Variants in INPP4B observed in about 807,000 individuals in gnomAD.
The protein encoded by INPP4B is inositol polyphosphate 4-phosphatase type II.
In INPP4B, 55 loss-of-function variants were observed where a neutral mutation model predicts 122.5. The observed-to-expected ratio is 0.45, with a 90% CI of 0.36 to 0.56. INPP4B has a LOEUF of 0.56. Among genes scored for constraint, INPP4B ranks in the 20% least tolerant of loss-of-function variants. The pLI is 0.00. For synonymous variants in INPP4B, 403 were observed against 388.7 expected, an observed-to-expected ratio of 1.04 and a Z score of -0.43; for missense variants, 1,000 against 1,097.7, an observed-to-expected ratio of 0.91 and a Z score of 1.26.
rs149691869 is a variant in INPP4B, at chr4:142,074,950, C to G, written c.2642+7081G>C. Among the ~76,000 whole-genome samples, 295 of 152,122 alleles carry G rather than the reference C, an allele frequency of 1.9e-3. 3 individuals carry two copies. The highest frequency in any genetic ancestry group is 6.5e-3 in the African/African-American group (269 of 41,496). Reference sequence around the variant, plus strand: ...GACACAGTTCAGATTCTACCTCCTCCAGGATACCTCCTGGCCACAGTGATT... The same window carrying G: ...GACACAGTTCAGATTCTACCTCCTCGAGGATACCTCCTGGCCACAGTGATT... On this transcript the variant is annotated intron_variant, in intron 25 of 25. Transcript: ENST00000262992.
At chr4:142,040,038 G>T (rs547320390) in intron 25 of INPP4B, among the ~76,000 whole-genome samples, 10 of 148,252 alleles carry the variant, frequency 6.7e-5, no homozygotes, top group South Asian at 2.1e-4. Context: ...TTGCGGGTTG[G>T]GGGGGTAATA....
chr4:142,654,063 C>T (rs908255257), intron 2 of INPP4B, among the ~76,000 whole-genome samples: 1 of 152,082 alleles, frequency 6.6e-6, no homozygotes, highest in Non-Finnish European at 1.5e-5. Flanking sequence ...AGTTCATGTC[C>T]TTTGTAGGGA....
intron 25 of INPP4B, among the ~76,000 whole-genome samples, chr4:142,058,618 A>G (rs1164496915): frequency 6.6e-6 from 1 of 152,162 alleles, no homozygotes; most frequent in Non-Finnish European, 1.5e-5. Flanking sequence ...TGAAATACTC[A>G]GAAATGGGAA....
chr4:142,260,367 A>G (rs1739286289), intron 11 of INPP4B, 125 bp downstream of exon 11: 3 of 686,566 alleles, frequency 4.4e-6, no homozygotes, highest in Admixed American at 2.8e-5. Context: ...CTGGCCCCTT[A>G]TGATTTCCCA....
At chr4:142,360,351 G>C (rs1255943284) in intron 7 of INPP4B, among the ~76,000 whole-genome samples, 5 of 151,876 alleles carry the variant, frequency 3.3e-5, no homozygotes, top group African/African-American at 1.2e-4. Context: ...ACTTTGTTTT[G>C]TTCCAGAGAA....
At chr4:142,773,482 T>C (rs1213069147) in intron 1 of INPP4B, among the ~76,000 whole-genome samples, 1 of 152,136 alleles carries the variant, frequency 6.6e-6, no homozygotes, top group East Asian at 1.9e-4. Context: ...CACACAAATG[T>C]ACACACACAC....
intron 17 of INPP4B, among the ~76,000 whole-genome samples, chr4:142,154,527 G>A (rs561763686): frequency 6.6e-6 from 1 of 152,196 alleles, no homozygotes; most frequent in African/African-American, 2.4e-5. Context: ...ACTAGGGAGA[G>A]GGGGATATTT....
intron 7 of INPP4B, among the ~76,000 whole-genome samples, chr4:142,391,173 G>C (rs1249588092): frequency 6.6e-6 from 1 of 152,148 alleles, no homozygotes; most frequent in Non-Finnish European, 1.5e-5. Context: ...CATGGTCTAA[G>C]CCAAATTACC....
chr4:142,814,749 G>A (rs1005530812), intron 1 of INPP4B, among the ~76,000 whole-genome samples: 2 of 152,122 alleles, frequency 1.3e-5, no homozygotes, highest in Admixed American at 6.6e-5. Flanking sequence ...TGAGTCCATA[G>A]TGATATAAAT....
Position 142,042,543 on chromosome 4 carries a change from TATGTATGTATG to T in INPP4B, c.2643-13640_2643-13630del, listed in dbSNP as rs1748566205. On this transcript the variant is annotated intron_variant, in intron 25 of 25. Coordinates refer to ENST00000262992, the MANE Select transcript of INPP4B (RefSeq NM_001101669.3). ...GTATGTATGTATGTATGTATGTATG[TATGTATGTATG>T]TATGTATTTATTTATTTATTTATTT... Among the ~76,000 whole-genome samples, 3 of 33,260 alleles carry T rather than the reference TATGTATGTATG, an allele frequency of 9.0e-5. No homozygotes were observed. In the South Asian group the frequency reaches 4.3e-3, roughly 47 times the overall value. The allele number at this position is 33,260 out of a possible 152,430, so 21.8% of individuals were successfully genotyped here.
intron 1 of INPP4B, among the ~76,000 whole-genome samples, chr4:142,797,025 C>T (rs905981179): frequency 5.3e-5 from 8 of 151,312 alleles, no homozygotes; most frequent in Admixed American, 1.3e-4. Flanking sequence ...ATATTGCCAC[C>T]GTAAAAGAGA....
At chr4:142,641,516 G>A (rs1400298604) in intron 2 of INPP4B, among the ~76,000 whole-genome samples, 3 of 151,060 alleles carry the variant, frequency 2.0e-5, no homozygotes, top group South Asian at 4.2e-4. Context: ...GAGAACATGC[G>A]GTGTTTGGTT....
intron 2 of INPP4B, among the ~76,000 whole-genome samples, chr4:142,615,333 ATATGTTGAT>A (rs952622151): frequency 9.2e-5 from 14 of 152,114 alleles, no homozygotes; most frequent in African/African-American, 3.4e-4. Flanking sequence ...CATGGAAGTT[ATATGTTGAT>A]TTGATCCAAA....
intron 2 of INPP4B, among the ~76,000 whole-genome samples, chr4:142,716,788 G>T (rs79918916): frequency 0.041 from 6,279 of 152,194 alleles, 158 homozygotes; most frequent in African/African-American, 0.055. Context: ...CAATTACCCT[G>T]CCTCTTCTAT....
intron 24 of INPP4B, 43 bp downstream of exon 24, chr4:142,086,101 T>C (rs1776602335): frequency 3.1e-6 from 4 of 1,278,702 alleles, no homozygotes; most frequent in East Asian, 4.6e-5. Flanking sequence ...TATTTGCTGG[T>C]TATGACATGG....
At chr4:142,845,430 G>T (rs1784064603) in intron 1 of INPP4B, among the ~76,000 whole-genome samples, 1 of 152,146 alleles carries the variant, frequency 6.6e-6, no homozygotes, top group Non-Finnish European at 1.5e-5. Flanking sequence ...TGAGGAGCCT[G>T]CAGCATAGTT....
intron 2 of INPP4B, among the ~76,000 whole-genome samples, chr4:142,591,387 CTAAA>C (rs1161921457): frequency 2.0e-5 from 3 of 151,756 alleles, no homozygotes; most frequent in African/African-American, 7.3e-5. Context: ...ACTTGAGCAA[CTAAA>C]TAAATAGAGC....
chr4:142,445,239 G>GCGAAAAAGCACGATAAT (rs1173527469), intron 3 of INPP4B, among the ~76,000 whole-genome samples: 2 of 151,902 alleles, frequency 1.3e-5, no homozygotes, highest in Non-Finnish European at 2.9e-5. Context: ...AGCACGATAA[G>GCGAAAAAGCACGATAAT]CAAAAAAGCA....
At chr4:142,072,402 T>A (rs1344026877) in intron 25 of INPP4B, among the ~76,000 whole-genome samples, 1 of 151,382 alleles carries the variant, frequency 6.6e-6, no homozygotes, top group African/African-American at 2.4e-5. Context: ...GGGTGCAGCA[T>A]ACCAACATGG....
Sources: allele counts gnomAD v4.1 joint callset (sites outside exome capture counted in the v4.1 genomes callset), GRCh38; gene constraint gnomAD v4.1.1; transcripts MANE v1.5; gene names NCBI Gene and HGNC (gene_info 2026-07-23, HGNC 2026-07-21).